LIMCH1: variants seen among roughly 807,000 people sequenced by gnomAD.
LIMCH1 encodes the protein LIM and calponin homology domains 1.
A neutral mutation model predicts 176.5 loss-of-function variants in LIMCH1; 113 were observed. The observed-to-expected ratio is 0.64, with a 90% confidence interval of 0.55 to 0.75. LIMCH1 has a LOEUF of 0.75. Ranked by LOEUF, LIMCH1 falls within the 30% of genes least tolerant of loss-of-function variation. The pLI, the probability that LIMCH1 is intolerant of heterozygous loss-of-function variation, is 0.00. For missense variants in LIMCH1, 1,674 were observed against 1,814.9 expected (o/e 0.92, Z 1.41); for synonymous variants, 619 against 645.9 (o/e 0.96, Z 0.63).
chr4:41,535,176 A>G (rs2077756568), upstream of LIMCH1, among the ~76,000 whole-genome samples: 1 of 151,144 alleles, frequency 6.6e-6, no homozygotes, highest in East Asian at 1.9e-4. Flanking sequence ...AAAAAAAAAA[A>G]AAAAAAAAGA....
intron 2 of LIMCH1, among the ~76,000 whole-genome samples, chr4:41,513,954 G>A (rs1451291102): frequency 5.9e-5 from 8 of 136,616 alleles, no homozygotes; most frequent in East Asian, 4.6e-4. Flanking sequence ...TCCGGTGAGC[G>A]GAGATCGTGC....
At chr4:41,515,545 G>A (rs566092666) in intron 2 of LIMCH1, among the ~76,000 whole-genome samples, 40 of 152,352 alleles carry the variant, frequency 2.6e-4, no homozygotes, top group Non-Finnish European at 5.0e-4. Context: ...CATTGATGAA[G>A]TGTATATTGT....
At chr4:41,693,385 T>C (rs1333141640) in intron 31 of LIMCH1, 1 of 152,170 alleles carries the variant, frequency 6.6e-6, no homozygotes, top group Non-Finnish European at 1.5e-5. Flanking sequence ...GTAAATTCAG[T>C]TAAATATGCC....
Position 41,559,724 on chromosome 4 carries a change from A to G in LIMCH1, c.-241+21374A>G, listed in dbSNP as rs139819292. ...TGTTTGATACCATTGGTCAGTCACT[A>G]CCTGAAATTAGCTTTCTTGTTGGCT... On this transcript the variant is annotated intron_variant, in intron 1 of 31. Transcript: ENST00000503057. Among the ~76,000 whole-genome samples, 60 of 152,164 alleles carry G rather than the reference A, an allele frequency of 3.9e-4. No homozygotes were observed. The East Asian group carries it at 0.011, about 29-fold the overall frequency.
intron 1 of LIMCH1, among the ~76,000 whole-genome samples, chr4:41,483,594 T>C (rs569671890): frequency 5.1e-4 from 78 of 152,298 alleles, no homozygotes; most frequent in Middle Eastern, 3.4e-3. Context: ...CCCTTCCCCA[T>C]CTCGACCATG....
At chr4:41,532,456 A>G (rs1033758231) in intron 3 of LIMCH1, among the ~76,000 whole-genome samples, 1 of 152,230 alleles carries the variant, frequency 6.6e-6, no homozygotes, top group Non-Finnish European at 1.5e-5. Flanking sequence ...CATTCGAGTA[A>G]CATTCAAAAG....
chr4:41,525,533 A>G (rs2076555770), intron 3 of LIMCH1, among the ~76,000 whole-genome samples: 1 of 152,286 alleles, frequency 6.6e-6, no homozygotes, highest in African/African-American at 2.4e-5. Flanking sequence ...AATGAAATAG[A>G]TGTTTTCTTT....
At chr4:41,648,658 G>GGGGTGTGTGTGTGTGTGTGT (rs1554153123) in intron 17 of LIMCH1, among the ~76,000 whole-genome samples, 4 of 135,334 alleles carry the variant, frequency 3.0e-5, no homozygotes, top group African/African-American at 1.1e-4. Context: ...AAGGGGTAGG[G>GGGGTGTGTGTGTGTGTGTGT]GTGTGTGTGT....
At chr4:41,606,742 C>CTT (rs1328336926) in intron 4 of LIMCH1, among the ~76,000 whole-genome samples, 13 of 152,158 alleles carry the variant, frequency 8.5e-5, no homozygotes, top group Non-Finnish European at 1.5e-4. Flanking sequence ...GAGGCCCTCC[C>CTT]AACCCGCCTT....
chr4:41,573,819 G>C (rs1477365263), intron 1 of LIMCH1, among the ~76,000 whole-genome samples: 2 of 152,128 alleles, frequency 1.3e-5, no homozygotes, highest in Admixed American at 6.5e-5. Flanking sequence ...CATAAAGGTT[G>C]TAATACACAC....
Position 41,560,278 on chromosome 4 carries a change from G to A in LIMCH1, c.-241+21928G>A, listed in dbSNP as rs2081899731. 2.0e-5 allele frequency among the ~76,000 whole-genome samples: 3 copies of A among 151,854 alleles called. No homozygotes were observed. The South Asian group carries it at 6.2e-4, about 32-fold the overall frequency. The stretch of plus-strand genomic sequence containing the variant: ...TACCTTTTCCTTTCTATTCCTCCTG[G>A]CCTTTGTCAAAGCTCATGTGTCAAA... On this transcript the variant is annotated intron_variant, in intron 1 of 31. Transcript: ENST00000503057.
At chr4:41,556,621 G>A (rs1222929668) in intron 1 of LIMCH1, among the ~76,000 whole-genome samples, 1 of 152,046 alleles carries the variant, frequency 6.6e-6, no homozygotes, top group African/African-American at 2.4e-5. Context: ...TACAGTGGAG[G>A]AAACTGAGAC....
At chr4:41,606,747 C>T (rs574549558) in intron 4 of LIMCH1, among the ~76,000 whole-genome samples, 38 of 152,220 alleles carry the variant, frequency 2.5e-4, no homozygotes, top group South Asian at 1.5e-3. Context: ...CCTCCCAACC[C>T]GCCTTAGTGT....
At chr4:41,565,246 A>T (rs2082565368) in intron 1 of LIMCH1, among the ~76,000 whole-genome samples, 1 of 151,852 alleles carries the variant, frequency 6.6e-6, no homozygotes, top group Non-Finnish European at 1.5e-5. Context: ...AGGATCAGTC[A>T]TCCAAGCCAA....
intron 28 of LIMCH1, among the ~76,000 whole-genome samples, chr4:41,686,491 C>T (rs753971277): frequency 1.3e-5 from 2 of 152,164 alleles, no homozygotes; most frequent in Non-Finnish European, 2.9e-5. Flanking sequence ...CTCAGTTTCA[C>T]GTAAGATCAT....
intron 1 of LIMCH1, among the ~76,000 whole-genome samples, chr4:41,364,446 G>A (rs914223836): frequency 5.3e-5 from 8 of 151,838 alleles, no homozygotes; most frequent in African/African-American, 1.9e-4. Flanking sequence ...CAGATTTCCC[G>A]GGTAGAAAAT....
At chr4:41,601,509 T>C (rs1418211237) in intron 2 of LIMCH1, among the ~76,000 whole-genome samples, 1 of 152,046 alleles carries the variant, frequency 6.6e-6, no homozygotes, top group East Asian at 1.9e-4. Flanking sequence ...AACCACAAGC[T>C]TCATGTTTAA....
intron 13 of LIMCH1, among the ~76,000 whole-genome samples, chr4:41,637,589 C>T (rs983537682): frequency 3.3e-5 from 5 of 152,170 alleles, no homozygotes; most frequent in Non-Finnish European, 7.3e-5. Context: ...CCTTCCGAAA[C>T]GATACTCTGG....
At chr4:41,486,971 CATACAT>C (rs139700141) in intron 1 of LIMCH1, among the ~76,000 whole-genome samples, 3 of 127,782 alleles carry the variant, frequency 2.3e-5, no homozygotes, top group Non-Finnish European at 5.2e-5. Context: ...CACACACACA[CATACAT>C]ACACACACAC....
Sources: gnomAD v4.1 joint callset for allele counts (sites outside exome capture counted in the v4.1 genomes callset) on GRCh38, gnomAD v4.1.1 for gene constraint, MANE v1.5 for transcripts, NCBI Gene and HGNC (gene_info 2026-07-23, HGNC 2026-07-21) for gene names.